NECAB1: variants seen among roughly 807,000 people sequenced by gnomAD.
The protein encoded by NECAB1 is N-terminal EF-hand calcium binding protein 1, also known as N-terminal EF-hand calcium-binding protein 1.
A neutral mutation model predicts 57.5 loss-of-function variants in NECAB1; 29 were observed. The ratio of observed to expected loss-of-function variants is 0.50; its 90% CI spans 0.38 to 0.69. NECAB1 has a LOEUF of 0.69. Ranked by LOEUF, NECAB1 falls within the 30% of genes least tolerant of loss-of-function variation. The pLI is 0.00. For synonymous variants in NECAB1, 142 were observed against 147.7 expected (o/e 0.96, Z 0.28); for missense variants, 372 against 413.8 (o/e 0.90, Z 0.88).
Position 90,927,204 on chromosome 8 carries a change from C to CTT in NECAB1, c.617-1006_617-1005dup, listed in dbSNP as rs545020130. On this transcript the variant is annotated intron_variant, in intron 7 of 12. Coordinates refer to ENST00000417640, the MANE Select transcript of NECAB1 (RefSeq NM_022351.5). ...CAATCAGCCCCTTTCTTTTCTCTCTCTTTTTTTTTTTTTTGTAGCCACTTC... is the reference window on the plus strand; with the variant it reads ...CAATCAGCCCCTTTCTTTTCTCTCTCTTTTTTTTTTTTTTTTGTAGCCACTTC... Among the ~76,000 whole-genome samples, 30 of 131,110 alleles carry CTT rather than the reference C, an allele frequency of 2.3e-4. 2 individuals are homozygous for CTT. Among genetic ancestry groups the CTT allele is most frequent in the Middle Eastern group, 4.0e-3 (1 of 248 alleles). 86.0% of individuals were successfully genotyped at this position (131,110 alleles called of 152,430 possible).
chr8:90,942,909 C>G (rs544277411), intron 10 of NECAB1, among the ~76,000 whole-genome samples: 1 of 152,038 alleles, frequency 6.6e-6, no homozygotes, highest in Admixed American at 6.6e-5. Context: ...CAAACAGTAC[C>G]TATATATACA....
intron 3 of NECAB1, among the ~76,000 whole-genome samples, chr8:90,865,044 C>T (rs1808487114): frequency 6.6e-6 from 1 of 151,958 alleles, no homozygotes; most frequent in African/African-American, 2.4e-5. Context: ...TTGTTAAGGG[C>T]AAGTTCCCCA....
rs1380627108 is a variant in NECAB1, at chr8:90,956,923, T to A, written c.*1411T>A. Reference sequence around the variant, plus strand: ...TCTATTAGAAATAAGTAGTAAATTTTGATATATTGTACATACACACGTGTG... The same window carrying A: ...TCTATTAGAAATAAGTAGTAAATTTAGATATATTGTACATACACACGTGTG... On this transcript the variant is annotated 3_prime_UTR_variant, in exon 13 of 13. Transcript: ENST00000417640. The A allele has an allele frequency of 6.6e-6, 1 of 150,412 alleles. No homozygotes were observed. 9.3% of individuals were successfully genotyped at this position (150,412 alleles called of 1,614,324 possible).
At chr8:90,848,660 A>C (rs1812615263) in intron 3 of NECAB1, among the ~76,000 whole-genome samples, 1 of 152,226 alleles carries the variant, frequency 6.6e-6, no homozygotes, top group Non-Finnish European at 1.5e-5. Context: ...AGCAGGCAAG[A>C]CAGCTTGTGC....
intron 2 of NECAB1, among the ~76,000 whole-genome samples, chr8:90,803,273 G>A (rs1444389952): frequency 1.3e-5 from 2 of 152,140 alleles, no homozygotes; most frequent in Admixed American, 1.3e-4. Flanking sequence ...TCTTTTGCCT[G>A]ATATCCAGCC....
At chr8:90,805,645 G>A (rs188286107) in intron 2 of NECAB1, among the ~76,000 whole-genome samples, 55 of 151,936 alleles carry the variant, frequency 3.6e-4, no homozygotes, top group Middle Eastern at 3.4e-3. Flanking sequence ...AACTTCTGAG[G>A]AAGCTTATTT....
rs954388161 is a variant in NECAB1 at position 90,917,658 on chromosome 8, T to C, written c.494+30T>C. On this transcript the variant is annotated intron_variant, in intron 6 of 12. Coordinates refer to ENST00000417640, the MANE Select transcript of NECAB1 (RefSeq NM_022351.5). ...TTTACATGTTTTCATCTGATGTCTA[T>C]TTAGTGACTCTATGTTCATGAAAAA... 5 of 1,589,988 alleles carry C rather than the reference T, an allele frequency of 3.1e-6. No homozygotes were observed. In the East Asian group the frequency reaches 6.7e-5, roughly 21 times the overall value.
At chr8:90,807,369 T>G (rs1811865770) in intron 2 of NECAB1, among the ~76,000 whole-genome samples, 1 of 152,246 alleles carries the variant, frequency 6.6e-6, no homozygotes. Flanking sequence ...TGGTTTATTC[T>G]ATTAACATGT....
chr8:90,837,902 A>G (rs540069754), intron 3 of NECAB1, among the ~76,000 whole-genome samples: 1 of 152,190 alleles, frequency 6.6e-6, no homozygotes, highest in South Asian at 2.1e-4. Context: ...GTTTCTTTTC[A>G]TTTCAACTTG....
intron 2 of NECAB1, among the ~76,000 whole-genome samples, chr8:90,811,024 C>A (rs895833866): frequency 2.0e-5 from 3 of 151,626 alleles, no homozygotes; most frequent in South Asian, 2.1e-4. Context: ...CTCGGCTCAC[C>A]GCAACCTCCA....
intron 3 of NECAB1, among the ~76,000 whole-genome samples, chr8:90,860,229 C>CT (rs1275031459): frequency 1.1e-4 from 13 of 116,402 alleles, no homozygotes; most frequent in East Asian, 7.6e-4. Flanking sequence ...TTTTCTGTTT[C>CT]TTTTTTTTCT....
intron 3 of NECAB1, among the ~76,000 whole-genome samples, chr8:90,835,488 G>A (rs959055755): frequency 6.6e-6 from 1 of 151,878 alleles, no homozygotes; most frequent in Non-Finnish European, 1.5e-5. Context: ...TTAAAAGGGA[G>A]CCAACATAAG....
At chr8:90,905,847 T>A (rs1033640828) in intron 5 of NECAB1, among the ~76,000 whole-genome samples, 2 of 152,222 alleles carry the variant, frequency 1.3e-5, no homozygotes, top group African/African-American at 4.8e-5. Context: ...TTCTAGTTCC[T>A]AATTATTCTT....
At chr8:90,802,526 T>C (rs1473519408) in intron 2 of NECAB1, among the ~76,000 whole-genome samples, 1 of 152,244 alleles carries the variant, frequency 6.6e-6, no homozygotes, top group East Asian at 1.9e-4. Flanking sequence ...AAGAATTTCT[T>C]GACAAATTTA....
chr8:90,893,995 A>C (rs1416466875), intron 5 of NECAB1, among the ~76,000 whole-genome samples: 1 of 152,290 alleles, frequency 6.6e-6, no homozygotes, highest in South Asian at 2.1e-4. Flanking sequence ...GAGAGCTGTA[A>C]CCAAGATTAT....
At chr8:90,854,443 G>C (rs1490723548) in intron 3 of NECAB1, among the ~76,000 whole-genome samples, 1 of 152,146 alleles carries the variant, frequency 6.6e-6, no homozygotes, top group African/African-American at 2.4e-5. Flanking sequence ...ATAAGACTAA[G>C]CATGATGTGT....
intron 3 of NECAB1, among the ~76,000 whole-genome samples, chr8:90,832,419 GA>G (rs1216402073): frequency 6.6e-6 from 1 of 152,148 alleles, no homozygotes; most frequent in East Asian, 1.9e-4. Context: ...TTATAAAGGA[GA>G]GAATGTTAAA....
intron 1 of NECAB1, among the ~76,000 whole-genome samples, chr8:90,795,175 T>C (rs906034567): frequency 6.6e-6 from 1 of 152,248 alleles, no homozygotes; most frequent in Non-Finnish European, 1.5e-5. Context: ...TACTAGTCTA[T>C]GTAGCATGTG....
At chr8:90,931,163 G>A (rs776969017) in intron 8 of NECAB1, among the ~76,000 whole-genome samples, 1 of 152,150 alleles carries the variant, frequency 6.6e-6, no homozygotes, top group Non-Finnish European at 1.5e-5. Context: ...TTTTCAGCAT[G>A]GGGCTCCAGC....
Sources: allele counts gnomAD v4.1 joint callset (sites outside exome capture counted in the v4.1 genomes callset), GRCh38; gene constraint gnomAD v4.1.1; transcripts MANE v1.5; gene names NCBI Gene and HGNC (gene_info 2026-07-23, HGNC 2026-07-21).